The following RGL1 variants were observed in gnomAD, a reference collection of about 807,000 sequenced individuals.
The protein encoded by RGL1 is ral guanine nucleotide dissociation stimulator like 1, also known as ral guanine nucleotide dissociation stimulator-like 1.
In RGL1, 24 loss-of-function variants were observed where a neutral mutation model predicts 95.2. That is an observed-to-expected ratio of 0.25 (90% CI 0.18 to 0.35). RGL1 has a LOEUF of 0.35. Ranked by LOEUF, RGL1 falls within the 10% of genes least tolerant of loss-of-function variation. The pLI is 1.00. For missense variants in RGL1, 715 were observed against 936.3 expected (o/e 0.76, Z 3.08); for synonymous variants, 329 against 344.9 (o/e 0.95, Z 0.51).
chr1:183,789,680 A>G (rs1231204544), intron 2 of RGL1, among the ~76,000 whole-genome samples: 3 of 152,070 alleles, frequency 2.0e-5, no homozygotes, highest in African/African-American at 7.2e-5. Flanking sequence ...TTTCTGCTCT[A>G]TTTAACCAGG....
At chr1:183,649,260 T>C (rs1650543629) in intron 1 of RGL1, among the ~76,000 whole-genome samples, 2 of 152,372 alleles carry the variant, frequency 1.3e-5, no homozygotes, top group East Asian at 1.9e-4. Flanking sequence ...GCTTCACTAA[T>C]GTGCTTGTCA....
At chr1:183,716,680 G>A (rs987493714) in intron 1 of RGL1, among the ~76,000 whole-genome samples, 1 of 152,228 alleles carries the variant, frequency 6.6e-6, no homozygotes, top group African/African-American at 2.4e-5. Context: ...CATGTCCACT[G>A]TACCCTGTAT....
At chr1:183,747,749 A>G (rs1361205043) in intron 2 of RGL1, among the ~76,000 whole-genome samples, 15 of 152,198 alleles carry the variant, frequency 9.9e-5, no homozygotes, top group Admixed American at 9.8e-4. Flanking sequence ...TATTTTATTG[A>G]GGATTTTCAC....
chr1:183,685,269 G>T (rs1371225938), intron 1 of RGL1, among the ~76,000 whole-genome samples: 1 of 152,170 alleles, frequency 6.6e-6, no homozygotes, highest in Non-Finnish European at 1.5e-5. Context: ...AACGCCAGCA[G>T]CCTGGTTATG....
intron 3 of RGL1, among the ~76,000 whole-genome samples, chr1:183,863,615 T>G (rs996683434): frequency 6.6e-6 from 1 of 152,092 alleles, no homozygotes; most frequent in African/African-American, 2.4e-5. Flanking sequence ...TCCAAGATAG[T>G]GTAGTTGGAG....
chr1:183,747,316 TG>T (rs1304471902), intron 2 of RGL1, among the ~76,000 whole-genome samples: 2 of 152,232 alleles, frequency 1.3e-5, no homozygotes, highest in Non-Finnish European at 2.9e-5. Context: ...CTCCAGAATC[TG>T]TTGTTTCCTG....
rs183842710 is a variant in RGL1, at chr1:183,830,997, G to A, written c.139-16569G>A. 7.4e-4 allele frequency among the ~76,000 whole-genome samples: 112 copies of A among 152,270 alleles called. 1 individual carries two copies. The highest frequency in any genetic ancestry group is 1.2e-3 in the Non-Finnish European group (80 of 68,026). On this transcript the variant is annotated intron_variant, in intron 2 of 17. Coordinates refer to ENST00000360851, the MANE Select transcript of RGL1 (RefSeq NM_001297671.3). ...CAAATATTTACTGAGCATCCATTAT[G>A]TAGTAGACATTATTTTATGCACCAG... is the stretch of plus-strand genomic sequence containing the variant.
chr1:183,896,829 G>A (rs1159860130), intron 9 of RGL1, among the ~76,000 whole-genome samples: 1 of 152,202 alleles, frequency 6.6e-6, no homozygotes, highest in African/African-American at 2.4e-5. Context: ...AGAAAGGGTA[G>A]CCATGTGTCC....
intron 1 of RGL1, among the ~76,000 whole-genome samples, chr1:183,695,054 G>A (rs962519492): frequency 2.6e-5 from 4 of 152,186 alleles, no homozygotes; most frequent in African/African-American, 9.7e-5. Context: ...AAAGCTCTTG[G>A]ATGATCTAAG....
At chr1:183,815,732 C>T (rs1044786406) in intron 2 of RGL1, among the ~76,000 whole-genome samples, 25 of 152,190 alleles carry the variant, frequency 1.6e-4, no homozygotes, top group African/African-American at 5.5e-4. Flanking sequence ...TTACCTGTAA[C>T]GGGGAGAATA....
At chr1:183,738,334 T>A (rs1458123424) in intron 1 of RGL1, among the ~76,000 whole-genome samples, 1 of 151,850 alleles carries the variant, frequency 6.6e-6, no homozygotes, top group Non-Finnish European at 1.5e-5. Context: ...GGCATGAGAA[T>A]CGCTTGAACC....
chr1:183,743,539 A>G (rs1657442684), intron 2 of RGL1, among the ~76,000 whole-genome samples: 1 of 152,198 alleles, frequency 6.6e-6, no homozygotes, highest in Non-Finnish European at 1.5e-5. Context: ...CATGCTTGGA[A>G]ATTTTATTTT....
chr1:183,863,291 C>A (rs1038856986), intron 3 of RGL1, among the ~76,000 whole-genome samples: 1 of 151,910 alleles, frequency 6.6e-6, no homozygotes, highest in African/African-American at 2.4e-5. Context: ...AGGGTTTCTC[C>A]CTTTTTCTTT....
chr1:183,772,460 A>AT (rs1345360064), intron 2 of RGL1, among the ~76,000 whole-genome samples: 1 of 152,142 alleles, frequency 6.6e-6, no homozygotes, highest in Non-Finnish European at 1.5e-5. Flanking sequence ...AAGAAATGAC[A>AT]TTTTTTAAAT....
intron 4 of RGL1, among the ~76,000 whole-genome samples, chr1:183,869,513 ACTTTAT>A (rs1666037116): frequency 6.6e-6 from 1 of 152,172 alleles, no homozygotes; most frequent in South Asian, 2.1e-4. Flanking sequence ...AAAATATGCC[ACTTTAT>A]CTTATAATGG....
intron 16 of RGL1, among the ~76,000 whole-genome samples, chr1:183,918,543 G>A (rs1214985219): frequency 1.3e-5 from 2 of 152,178 alleles, no homozygotes; most frequent in East Asian, 1.9e-4. Context: ...CCTGGTCAGC[G>A]TGCACTCTGC....
Position 183,858,337 on chromosome 1 carries a change from A to C in RGL1, c.348-7659A>C, listed in dbSNP as rs114631557. Among the ~76,000 whole-genome samples the C allele has an allele frequency of 8.5e-3, 1,302 of 152,286 alleles. 15 individuals carry two copies. Among genetic ancestry groups the C allele is most frequent in the African/African-American group, 0.026 (1,070 of 41,562 alleles). ...CTCTTTAGAAAAAAGAGAATGTCACAATTTTTTTCATAAAATTTAGGGACT... is the reference window on the plus strand; with the variant it reads ...CTCTTTAGAAAAAAGAGAATGTCACCATTTTTTTCATAAAATTTAGGGACT... On this transcript the variant is annotated intron_variant, in intron 3 of 17. Transcript: ENST00000360851.
At chr1:183,659,618 G>A (rs1651460589) in intron 1 of RGL1, among the ~76,000 whole-genome samples, 1 of 152,160 alleles carries the variant, frequency 6.6e-6, no homozygotes. Context: ...ATGGAACCAA[G>A]TTGGAAAACA....
intron 1 of RGL1, among the ~76,000 whole-genome samples, chr1:183,679,951 T>G (rs1445951737): frequency 1.3e-5 from 2 of 152,256 alleles, no homozygotes; most frequent in Non-Finnish European, 2.9e-5. Flanking sequence ...TTGATTTGCA[T>G]TTCTCTAATG....
Sources: gnomAD v4.1 joint callset for allele counts (sites outside exome capture counted in the v4.1 genomes callset) on GRCh38, gnomAD v4.1.1 for gene constraint, MANE v1.5 for transcripts, NCBI Gene and HGNC (gene_info 2026-07-23, HGNC 2026-07-21) for gene names.